LRMDA: variants seen among roughly 807,000 people sequenced by gnomAD.
The protein encoded by LRMDA is leucine-rich melanocyte differentiation-associated protein.
LRMDA carries 18 observed loss-of-function variants against 29.8 expected under a neutral mutation model. The observed-to-expected ratio is 0.60, with a 90% confidence interval of 0.42 to 0.90. LRMDA has a LOEUF of 0.90. Among genes scored for constraint, LRMDA ranks in the 40% least tolerant of loss-of-function variants. The pLI is 0.00. For missense variants in LRMDA, 273 were observed against 273.9 expected (o/e 1.00, Z 0.02); for synonymous variants, 125 against 109.4 (o/e 1.14, Z -0.89).
chr10:75,795,341 C>T (rs746437134), intron 2 of LRMDA, among the ~76,000 whole-genome samples: 11 of 151,826 alleles, frequency 7.2e-5, no homozygotes, highest in South Asian at 2.1e-4. Flanking sequence ...TGCAGTGAGC[C>T]GAGATTGCAC....
At chr10:76,342,938 T>A (rs938646876) in intron 6 of LRMDA, among the ~76,000 whole-genome samples, 1 of 150,370 alleles carries the variant, frequency 6.7e-6, no homozygotes, top group Non-Finnish European at 1.5e-5. Flanking sequence ...ATACTTATAG[T>A]ATTCTGCTAA....
At chr10:75,895,617 A>T (rs1337597782) in intron 2 of LRMDA, among the ~76,000 whole-genome samples, 3 of 152,244 alleles carry the variant, frequency 2.0e-5, no homozygotes, top group Non-Finnish European at 4.4e-5. Context: ...AAATAGAGAT[A>T]CATGACATAA....
At chr10:75,835,671 T>C (rs1200429168) in intron 2 of LRMDA, among the ~76,000 whole-genome samples, 1 of 152,230 alleles carries the variant, frequency 6.6e-6, no homozygotes, top group Non-Finnish European at 1.5e-5. Flanking sequence ...TTTTATGCCT[T>C]AGATCAAGCC....
intron 2 of LRMDA, among the ~76,000 whole-genome samples, chr10:75,744,124 C>G (rs79886345): frequency 6.6e-6 from 1 of 152,174 alleles, no homozygotes; most frequent in Non-Finnish European, 1.5e-5. Flanking sequence ...AAAATACATA[C>G]CCTGGACACA....
chr10:75,556,508 AGGTTCTT>A (rs1840215357), intron 2 of LRMDA, among the ~76,000 whole-genome samples: 1 of 152,236 alleles, frequency 6.6e-6, no homozygotes, highest in Non-Finnish European at 1.5e-5. Flanking sequence ...CAGGTAAAGG[AGGTTCTT>A]CCAGTTGAAG....
intron 2 of LRMDA, among the ~76,000 whole-genome samples, chr10:75,950,302 A>G (rs1046046093): frequency 6.6e-6 from 1 of 152,142 alleles, no homozygotes; most frequent in Non-Finnish European, 1.5e-5. Flanking sequence ...TTGCAATGGC[A>G]CCTCAGCTAG....
intron 6 of LRMDA, among the ~76,000 whole-genome samples, chr10:76,373,672 A>C (rs2395377): frequency 0.89 from 135,722 of 152,024 alleles, 61,264 homozygotes; most frequent in Non-Finnish European, 0.96. Flanking sequence ...GTTTTTTTTT[A>C]TGTACACAGC....
chr10:76,065,782 C>G (rs1848774944), intron 5 of LRMDA, among the ~76,000 whole-genome samples: 1 of 152,244 alleles, frequency 6.6e-6, no homozygotes, highest in Non-Finnish European at 1.5e-5. Flanking sequence ...ATACACTTCC[C>G]CATTCCATTG....
At chr10:75,552,015 C>T (rs866462963) in intron 2 of LRMDA, among the ~76,000 whole-genome samples, 5 of 152,044 alleles carry the variant, frequency 3.3e-5, no homozygotes, top group African/African-American at 4.8e-5. Flanking sequence ...TGCACTCCAG[C>T]CTGGGCAACA....
At chr10:76,410,931 G>A (rs919799978) in intron 6 of LRMDA, among the ~76,000 whole-genome samples, 4 of 152,102 alleles carry the variant, frequency 2.6e-5, no homozygotes, top group African/African-American at 7.2e-5. Flanking sequence ...GGGCAACAGA[G>A]CGAGACTCCA....
intron 2 of LRMDA, among the ~76,000 whole-genome samples, chr10:75,852,895 T>G (rs1477745767): frequency 3.8e-5 from 1 of 26,348 alleles, no homozygotes; most frequent in Non-Finnish European, 1.3e-4. Context: ...GAGGATTAAT[T>G]CACAGTTCTA....
Position 75,496,550 on chromosome 10 carries a change from C to T in LRMDA, c.131+58056C>T, listed in dbSNP as rs141943351. 2.6e-5 allele frequency among the ~76,000 whole-genome samples: 4 copies of T among 152,296 alleles called. No homozygotes were observed. In the East Asian group the frequency reaches 7.7e-4, roughly 29 times the overall value. On this transcript the variant is annotated intron_variant, in intron 2 of 6. Coordinates refer to ENST00000611255, the MANE Select transcript of LRMDA (RefSeq NM_001305581.2). ...GTTTTATTTTACATTTAATAACCCT[C>T]ATCTTTTTGTGCATGGCTAGAGATG...
intron 2 of LRMDA, among the ~76,000 whole-genome samples, chr10:75,769,817 T>G (rs1013918930): frequency 1.3e-5 from 2 of 152,168 alleles, no homozygotes; most frequent in African/African-American, 4.8e-5. Flanking sequence ...ACCCCATCTC[T>G]ACTAAAAATA....
intron 5 of LRMDA, among the ~76,000 whole-genome samples, chr10:76,113,439 T>G (rs757276533): frequency 2.0e-5 from 3 of 150,688 alleles, no homozygotes; most frequent in Non-Finnish European, 3.0e-5. Context: ...ATATGAAAAA[T>G]GGAAGAGATG....
intron 2 of LRMDA, among the ~76,000 whole-genome samples, chr10:75,830,852 A>C (rs931091495): frequency 1.3e-5 from 2 of 152,164 alleles, no homozygotes; most frequent in Non-Finnish European, 2.9e-5. Context: ...AAAGTCCACA[A>C]TCCAAAGTCT....
intron 2 of LRMDA, among the ~76,000 whole-genome samples, chr10:75,967,720 A>G (rs1589270553): frequency 6.6e-6 from 1 of 152,050 alleles, no homozygotes; most frequent in African/African-American, 2.4e-5. Flanking sequence ...TGGATGGGGC[A>G]CAGAACCGGC....
rs1305722955 is a variant in LRMDA, at chr10:76,073,951, G to A, written c.516+15168G>A. ...TTAGTGGCACGAAGTCCTGATCAGT[G>A]TGAATGTGCCTTCAGACTGTAAGCC... On this transcript the variant is annotated intron_variant, in intron 5 of 6. Coordinates refer to ENST00000611255, the MANE Select transcript of LRMDA (RefSeq NM_001305581.2). Among the ~76,000 whole-genome samples, 3 of 152,198 alleles carry A rather than the reference G, an allele frequency of 2.0e-5. No homozygotes were observed. The East Asian group carries it at 5.8e-4, about 29-fold the overall frequency.
chr10:75,954,227 C>G (rs1846626587), intron 2 of LRMDA, among the ~76,000 whole-genome samples: 1 of 152,164 alleles, frequency 6.6e-6, no homozygotes, highest in South Asian at 2.1e-4. Context: ...TGGGGACTAA[C>G]ACCTTGATTT....
In LRMDA at chr10:76,058,791, G is replaced by T. The variant is rs745423361; in HGVS notation, c.516+8G>T. The T allele has an allele frequency of 7.5e-6, 12 of 1,593,520 alleles. No individual in the cohort carries two copies. The highest frequency in any genetic ancestry group is 1.0e-5 in the Non-Finnish European group (12 of 1,161,296). Reference sequence around the variant, plus strand: ...AAGGTGGTGAAGCCCAAGGTGAGCTGCCTACTTGCTGTTCTTCACAAGGGA... The same window carrying T: ...AAGGTGGTGAAGCCCAAGGTGAGCTTCCTACTTGCTGTTCTTCACAAGGGA... On this transcript the variant is annotated splice_region_variant and intron_variant, in intron 5 of 6. Transcript: ENST00000611255.
Sources: allele counts gnomAD v4.1 joint callset (sites outside exome capture counted in the v4.1 genomes callset), GRCh38; gene constraint gnomAD v4.1.1; transcripts MANE v1.5; gene names NCBI Gene and HGNC (gene_info 2026-07-23, HGNC 2026-07-21).